CUL2: variants seen among roughly 807,000 people sequenced by gnomAD.
The protein encoded by CUL2 is cullin 2.
CUL2 carries 22 observed loss-of-function variants against 110.2 expected under a neutral mutation model. The ratio of observed to expected loss-of-function variants is 0.20; its 90% CI spans 0.14 to 0.28. The LOEUF (loss-of-function observed/expected upper bound fraction) is 0.28, where lower values mean the gene tolerates loss of function less well. Among genes scored for constraint, CUL2 ranks in the 10% least tolerant of loss-of-function variants. CUL2 has a pLI of 1.00. For missense variants in CUL2, 631 were observed against 905.5 expected, an observed-to-expected ratio of 0.70 and a Z score of 3.89; for synonymous variants, 279 against 293.2, an observed-to-expected ratio of 0.95 and a Z score of 0.49.
intron 17 of CUL2, among the ~76,000 whole-genome samples, chr10:35,017,217 AAAC>A (rs753363533): frequency 3.3e-5 from 5 of 152,254 alleles, no homozygotes; most frequent in African/African-American, 9.6e-5. Context: ...TATGTCTCAT[AAAC>A]AACATTTTTC....
intron 17 of CUL2, among the ~76,000 whole-genome samples, chr10:35,023,894 G>A (rs1363812225): frequency 6.6e-6 from 1 of 152,148 alleles, no homozygotes; most frequent in African/African-American, 2.4e-5. Flanking sequence ...GAGTGCAGTG[G>A]CACGATCATG....
chr10:35,047,899 C>T (rs893250842), intron 6 of CUL2, among the ~76,000 whole-genome samples: 3 of 151,326 alleles, frequency 2.0e-5, no homozygotes, highest in African/African-American at 7.3e-5. Flanking sequence ...AGTGGGAATC[C>T]TGTCTCAAAA....
upstream of CUL2, among the ~76,000 whole-genome samples, chr10:35,092,361 G>A (rs1232521364): frequency 6.6e-6 from 1 of 152,204 alleles, no homozygotes; most frequent in African/African-American, 2.4e-5. Context: ...AACCTGTCCG[G>A]GTGGTCATTG....
chr10:35,076,239 A>G (rs1356641206), intron 1 of CUL2, among the ~76,000 whole-genome samples: 3 of 152,134 alleles, frequency 2.0e-5, no homozygotes, highest in Non-Finnish European at 2.9e-5. Flanking sequence ...TAGAGACAGA[A>G]AGTATGTGAG....
intron 1 of CUL2, among the ~76,000 whole-genome samples, chr10:35,075,403 T>C (rs2086790377): frequency 6.6e-6 from 1 of 152,164 alleles, no homozygotes; most frequent in Non-Finnish European, 1.5e-5. Context: ...TCACACTATT[T>C]CTACCCCCCA....
At chr10:35,013,489 C>G (rs997641298) in intron 19 of CUL2, among the ~76,000 whole-genome samples, 5 of 152,072 alleles carry the variant, frequency 3.3e-5, no homozygotes, top group Admixed American at 3.3e-4. Context: ...TACAACAAAA[C>G]CATACCCTTT....
chr10:35,071,552 C>T (rs2086679264), intron 1 of CUL2, among the ~76,000 whole-genome samples: 1 of 152,130 alleles, frequency 6.6e-6, no homozygotes, highest in Admixed American at 6.5e-5. Flanking sequence ...CTACAGGCAC[C>T]CGCCACCATG....
At chr10:35,111,321 G>A (rs1434812956) in intron 1 of CUL2, among the ~76,000 whole-genome samples, 1 of 150,602 alleles carries the variant, frequency 6.6e-6, no homozygotes, top group East Asian at 2.0e-4. Context: ...GTACAATTGT[G>A]GCTCACTGCA....
intron 16 of CUL2, among the ~76,000 whole-genome samples, chr10:35,025,422 A>G (rs2085312364): frequency 6.6e-6 from 1 of 152,182 alleles, no homozygotes; most frequent in South Asian, 2.1e-4. Flanking sequence ...CTTGTTCTAG[A>G]GTTCTCTCCA....
intron 1 of CUL2, chr10:35,079,745 T>C (rs1415008177): frequency 6.5e-6 from 1 of 154,838 alleles, no homozygotes; most frequent in African/African-American, 2.4e-5. Flanking sequence ...CTTTCAACTT[T>C]TCGTGTAAAG....
At chr10:35,072,508 A>G (rs556810908) in intron 1 of CUL2, among the ~76,000 whole-genome samples, 10 of 152,146 alleles carry the variant, frequency 6.6e-5, no homozygotes, top group African/African-American at 2.4e-4. Context: ...AGCTGGGACT[A>G]CAGGCGCCCG....
chr10:35,070,460 T>C (rs1406454471), intron 2 of CUL2, among the ~76,000 whole-genome samples: 1 of 152,146 alleles, frequency 6.6e-6, no homozygotes, highest in Non-Finnish European at 1.5e-5. Flanking sequence ...ACGCCCCATA[T>C]AATGAGGGCA....
chr10:35,078,602 G>A (rs1443828146), intron 1 of CUL2, among the ~76,000 whole-genome samples: 3 of 151,972 alleles, frequency 2.0e-5, no homozygotes, highest in South Asian at 2.1e-4. Context: ...CACCCAGCCC[G>A]ACATTTTTCA....
At chr10:35,107,846 C>T (rs2490661) in intron 1 of CUL2, among the ~76,000 whole-genome samples, 93 of 123,472 alleles carry the variant, frequency 7.5e-4, no homozygotes, top group Non-Finnish European at 1.3e-3. Flanking sequence ...CGCGCCACTG[C>T]ACTCCAGCCT....
At chr10:35,044,709 A>G in intron 7 of CUL2, 33 bp from the exon 8 acceptor site, 1 of 1,587,250 alleles carries the variant, frequency 6.3e-7, no homozygotes, top group Non-Finnish European at 8.6e-7. Flanking sequence ...ATTAGAAGAA[A>G]TTAGAACAAG....
upstream of CUL2, among the ~76,000 whole-genome samples, chr10:35,092,715 A>G (rs1159435531): frequency 2.6e-5 from 4 of 152,220 alleles, no homozygotes; most frequent in African/African-American, 9.6e-5. Context: ...TCCTGGGCAT[A>G]GGCCAACTTA....
chr10:35,059,906 C>T (rs1027345362), intron 4 of CUL2, among the ~76,000 whole-genome samples: 1 of 152,200 alleles, frequency 6.6e-6, no homozygotes, highest in South Asian at 2.1e-4. Flanking sequence ...CACACATACA[C>T]AAACACATAT....
intron 17 of CUL2, among the ~76,000 whole-genome samples, chr10:35,023,843 T>C (rs539678158): frequency 2.6e-5 from 4 of 152,348 alleles, no homozygotes; most frequent in Admixed American, 1.3e-4. Flanking sequence ...AACATATTGA[T>C]TGACTGGTTG....
intron 18 of CUL2, among the ~76,000 whole-genome samples, chr10:35,014,710 G>A (rs546003546): frequency 9.7e-4 from 148 of 152,138 alleles, no homozygotes; most frequent in African/African-American, 3.4e-3. Context: ...GCTTACACCT[G>A]TGGTCCCAGC....
Sources: gnomAD v4.1 joint callset for allele counts (sites outside exome capture counted in the v4.1 genomes callset) on GRCh38, gnomAD v4.1.1 for gene constraint, MANE v1.5 for transcripts, NCBI Gene and HGNC (gene_info 2026-07-23, HGNC 2026-07-21) for gene names.